Variants in SNTG2 observed in about 807,000 individuals in gnomAD.
SNTG2 encodes gamma-2-syntrophin.
Under a neutral mutation model 70.9 loss-of-function variants are expected in SNTG2, and 74 were observed. The ratio of observed to expected loss-of-function variants is 1.04; its 90% CI spans 0.86 to 1.27. The LOEUF (loss-of-function observed/expected upper bound fraction) is 1.27. Among genes scored for constraint, SNTG2 ranks in the 50% most tolerant of loss-of-function variants. The probability of loss-of-function intolerance (pLI) is 0.00; values close to 1 mark genes in which losing one functional copy is unlikely to be tolerated. For synonymous variants in SNTG2, 278 were observed against 273.8 expected, an observed-to-expected ratio of 1.02 and a Z score of -0.15; for missense variants, 717 against 690.7, an observed-to-expected ratio of 1.04 and a Z score of -0.43.
At chr2:1,075,685 C>G (rs1663871958) in intron 1 of SNTG2, among the ~76,000 whole-genome samples, 1 of 152,152 alleles carries the variant, frequency 6.6e-6, no homozygotes, top group Admixed American at 6.5e-5. Flanking sequence ...ATGACATTTG[C>G]TGATAGATTA....
In SNTG2 at chr2:1,098,190, T is replaced by C. The variant is rs752378279; in HGVS notation, c.211-6T>C. 1.9e-6 allele frequency: 3 copies of C among 1,613,854 alleles called. No homozygotes were observed. The East Asian group carries it at 6.7e-5, about 36-fold the overall frequency. On this transcript the variant is annotated splice_polypyrimidine_tract_variant and splice_region_variant and intron_variant, in intron 2 of 16. Transcript: ENST00000308624. ...AACTTGGTTTGTTTTCTAAAATGTT[T>C]TAAAGCGCAGAACTGTTACACTCCG... is the stretch of plus-strand genomic sequence containing the variant.
Position 1,097,533 on chromosome 2 carries a change from A to C in SNTG2, c.211-663A>C, listed in dbSNP as rs1008717007. On this transcript the variant is annotated intron_variant, in intron 2 of 16. Transcript: ENST00000308624. This position sits in a 1 kb window ranked among gnomAD's most constrained non-coding sequence, Gnocchi z 4.1. ...TCACTCATGTCTACCTGAAGTTGGCAACAGTCGCATTCATCAGATTAGACC... is the reference window on the plus strand; with the variant it reads ...TCACTCATGTCTACCTGAAGTTGGCCACAGTCGCATTCATCAGATTAGACC... Among the ~76,000 whole-genome samples the C allele has an allele frequency of 2.6e-5, 4 of 152,208 alleles. No homozygotes were observed.
chr2:1,337,059 T>C (rs140550834), intron 16 of SNTG2, among the ~76,000 whole-genome samples: 2 of 152,290 alleles, frequency 1.3e-5, no homozygotes, highest in Non-Finnish European at 2.9e-5. Flanking sequence ...GTTTCTTTTC[T>C]TTTTTAGGTT....
intron 16 of SNTG2, among the ~76,000 whole-genome samples, chr2:1,322,565 C>T (rs1681580399): frequency 6.6e-6 from 1 of 152,134 alleles, no homozygotes. Flanking sequence ...TTGAAGACAT[C>T]TGGTACCAGA....
At chr2:1,064,359 G>T (rs1558357300) in intron 1 of SNTG2, among the ~76,000 whole-genome samples, 1 of 151,746 alleles carries the variant, frequency 6.6e-6, no homozygotes, top group Non-Finnish European at 1.5e-5. Context: ...TGAAGTGCCT[G>T]AAATTAAATA....
At chr2:952,492 C>G (rs890765432) in intron 1 of SNTG2, among the ~76,000 whole-genome samples, 1 of 152,234 alleles carries the variant, frequency 6.6e-6, no homozygotes, top group African/African-American at 2.4e-5. Flanking sequence ...TGCGCGTATT[C>G]TAGTAAATGC....
intron 16 of SNTG2, among the ~76,000 whole-genome samples, chr2:1,340,359 A>C (rs763802783): frequency 2.0e-5 from 3 of 152,214 alleles, no homozygotes; most frequent in Non-Finnish European, 4.4e-5. Flanking sequence ...CCGATTACAA[A>C]ACGCCATTCT....
At chr2:1,297,054 T>C (rs947839664) in intron 14 of SNTG2, among the ~76,000 whole-genome samples, 2 of 152,134 alleles carry the variant, frequency 1.3e-5, no homozygotes, top group Admixed American at 6.5e-5. Context: ...TTCAGGGGCA[T>C]GTCCTTTATT....
At chr2:1,363,802 A>G (rs1363777403) in intron 16 of SNTG2, among the ~76,000 whole-genome samples, 1 of 152,242 alleles carries the variant, frequency 6.6e-6, no homozygotes, top group East Asian at 1.9e-4. Flanking sequence ...GAAGATGTTC[A>G]GTGAAATGCC....
intron 1 of SNTG2, among the ~76,000 whole-genome samples, chr2:952,242 A>T (rs1319456082): frequency 6.6e-6 from 1 of 152,226 alleles, no homozygotes; most frequent in Non-Finnish European, 1.5e-5. Context: ...CTGGAAATAA[A>T]CCGCAGTAAA....
intron 6 of SNTG2, among the ~76,000 whole-genome samples, chr2:1,155,783 C>T (rs756960283): frequency 2.6e-5 from 4 of 152,040 alleles, no homozygotes; most frequent in South Asian, 2.1e-4. Flanking sequence ...TTGAGGTGGG[C>T]GGCACAGGCT....
At chr2:1,128,082 T>C (rs1219994911) in intron 4 of SNTG2, among the ~76,000 whole-genome samples, 3 of 152,182 alleles carry the variant, frequency 2.0e-5, no homozygotes, top group South Asian at 2.1e-4. Flanking sequence ...GTTTGTCATA[T>C]GTGGCCTTTA....
At chr2:1,282,859 C>T (rs533349407) in intron 14 of SNTG2, among the ~76,000 whole-genome samples, 159 of 152,210 alleles carry the variant, frequency 1.0e-3, no homozygotes, top group Non-Finnish European at 1.7e-3. Context: ...GGTCCCAACA[C>T]GTCGGCCTAC....
chr2:986,464 C>T (rs1436258105), intron 1 of SNTG2, among the ~76,000 whole-genome samples: 8 of 152,160 alleles, frequency 5.3e-5, no homozygotes, highest in African/African-American at 1.9e-4. Context: ...ATAGGACTTC[C>T]CATGTAGGAA....
chr2:1,110,352 T>C lies in SNTG2; in HGVS notation c.325+11942T>C, dbSNP rs1475947450. On this transcript the variant is annotated intron_variant, in intron 4 of 16. Coordinates refer to ENST00000308624, the MANE Select transcript of SNTG2 (RefSeq NM_018968.4). ...TGTTCTCTAGAATTTTCACCTGTTATTGGTGTCTTAGTGCCATGCACATGC... is the reference window on the plus strand; with the variant it reads ...TGTTCTCTAGAATTTTCACCTGTTACTGGTGTCTTAGTGCCATGCACATGC... 2.0e-5 allele frequency among the ~76,000 whole-genome samples: 3 copies of C among 152,342 alleles called. 1 individual carries two copies. Among genetic ancestry groups the C allele is most frequent in the Admixed American group, 6.5e-5 (1 of 15,308 alleles).
At chr2:1,101,631 G>A (rs1243063018) in intron 4 of SNTG2, among the ~76,000 whole-genome samples, 1 of 152,094 alleles carries the variant, frequency 6.6e-6, no homozygotes, top group Non-Finnish European at 1.5e-5. Context: ...GTGGGACTTC[G>A]GTGCTGGAGC....
intron 16 of SNTG2, among the ~76,000 whole-genome samples, chr2:1,330,547 T>G (rs763530954): frequency 6.6e-6 from 1 of 152,152 alleles, no homozygotes; most frequent in Non-Finnish European, 1.5e-5. Flanking sequence ...CTTGAGAAGT[T>G]AAAGGAAAAC....
In SNTG2 at chr2:1,098,421, C is replaced by T; in HGVS notation, c.325+11C>T. ...TCGAAGACCAAGCAGGTAAAAACAG[C>T]CAAAATGACCTGTGTATGCATCACA... On this transcript the variant is annotated intron_variant, in intron 4 of 16. Coordinates refer to ENST00000308624, the MANE Select transcript of SNTG2 (RefSeq NM_018968.4). The T allele has an allele frequency of 6.2e-7, 1 of 1,613,632 alleles. No individual in the cohort carries two copies. Among genetic ancestry groups the T allele is most frequent in the Non-Finnish European group, 8.5e-7 (1 of 1,179,630 alleles).
rs181166327 is a variant in SNTG2 at position 974,113 on chromosome 2, G to A, written c.72+23045G>A. ...TTATAAAACTAAGAAAGAAGGAAGT[G>A]GTGGCCTCTTCTTTGGCCGGATGTT... On this transcript the variant is annotated intron_variant, in intron 1 of 16. Coordinates refer to ENST00000308624, the MANE Select transcript of SNTG2 (RefSeq NM_018968.4). Among the ~76,000 whole-genome samples, 6 of 152,242 alleles carry A rather than the reference G, an allele frequency of 3.9e-5. No individual in the cohort carries two copies. In the East Asian group the frequency reaches 1.2e-3, roughly 29 times the overall value.
Sources: gnomAD v4.1 joint callset for allele counts (sites outside exome capture counted in the v4.1 genomes callset) on GRCh38, gnomAD v4.1.1 for gene constraint, Gnocchi (gnomAD v3.1) non-coding constraint, MANE v1.5 for transcripts, NCBI Gene and HGNC (gene_info 2026-07-23, HGNC 2026-07-21) for gene names.